TNFAIP8L3: variants seen among roughly 807,000 people sequenced by gnomAD.
TNFAIP8L3 encodes tumor necrosis factor alpha-induced protein 8-like protein 3.
In TNFAIP8L3, 7 loss-of-function variants were observed where a neutral mutation model predicts 11.8. That is an observed-to-expected ratio of 0.59 (90% CI 0.34 to 1.11). The LOEUF (loss-of-function observed/expected upper bound fraction) is 1.11. TNFAIP8L3 is among the 50% of genes most tolerant of loss of function. TNFAIP8L3 has a pLI of 0.03. For synonymous variants in TNFAIP8L3, 98 were observed against 103.8 expected (o/e 0.94, Z 0.34); for missense variants, 219 against 258.6 (o/e 0.85, Z 1.05).
chr15:51,075,471 C>T (rs1047924330), intron 1 of TNFAIP8L3, among the ~76,000 whole-genome samples: 5 of 152,172 alleles, frequency 3.3e-5, no homozygotes, highest in African/African-American at 7.2e-5. Context: ...CAGGAGCTGT[C>T]GGGCTTGGAA....
At chr15:51,080,528 A>T (rs956120145) in intron 1 of TNFAIP8L3, among the ~76,000 whole-genome samples, 5 of 150,560 alleles carry the variant, frequency 3.3e-5, no homozygotes, top group African/African-American at 1.2e-4. Flanking sequence ...TTCACTCTTT[A>T]CCCCTTCTCT....
chr15:51,099,645 C>T (rs1333352118), upstream of TNFAIP8L3, among the ~76,000 whole-genome samples: 1 of 152,168 alleles, frequency 6.6e-6, no homozygotes, highest in East Asian at 1.9e-4. Flanking sequence ...GGATGTGACT[C>T]CACTGCTGCA....
At chr15:51,079,855 C>CAA (rs10602536) in intron 1 of TNFAIP8L3, among the ~76,000 whole-genome samples, 158 of 77,182 alleles carry the variant, frequency 2.0e-3, no homozygotes, top group African/African-American at 2.6e-3. Context: ...GACTTTGTCT[C>CAA]AAAAAAAAAA....
At chr15:51,061,133 C>CA (rs1245594178) in intron 1 of TNFAIP8L3, among the ~76,000 whole-genome samples, 6 of 152,024 alleles carry the variant, frequency 3.9e-5, no homozygotes, top group Admixed American at 2.0e-4. Context: ...AAGACTGTCT[C>CA]AAAAAAATAA....
chr15:51,086,572 AG>A (rs776376544), intron 1 of TNFAIP8L3, among the ~76,000 whole-genome samples: 3 of 152,178 alleles, frequency 2.0e-5, no homozygotes, highest in Non-Finnish European at 4.4e-5. Context: ...GTGCAAGAGA[AG>A]AGTCTCTGGA....
intron 1 of TNFAIP8L3, among the ~76,000 whole-genome samples, chr15:51,072,433 G>A (rs1180884554): frequency 2.0e-5 from 3 of 152,110 alleles, no homozygotes; most frequent in African/African-American, 4.8e-5. Flanking sequence ...AAGCCACCGC[G>A]CCTGGCCAGA....
chr15:51,096,854 G>A (rs2140984676), upstream of TNFAIP8L3, among the ~76,000 whole-genome samples: 1 of 139,436 alleles, frequency 7.2e-6, no homozygotes, highest in East Asian at 2.1e-4. Context: ...TCGTGCCATT[G>A]CACTCCAGCC....
At chr15:51,088,794 G>A (rs959524156) in intron 1 of TNFAIP8L3, among the ~76,000 whole-genome samples, 2 of 152,214 alleles carry the variant, frequency 1.3e-5, no homozygotes, top group African/African-American at 4.8e-5. Flanking sequence ...CCACTGCCAT[G>A]TGCTGCACGG....
rs548235227 is a variant in TNFAIP8L3 at position 51,078,122 on chromosome 15, C to A, written c.52+16422G>T. Among the ~76,000 whole-genome samples the A allele has an allele frequency of 2.7e-4, 41 of 152,166 alleles. No homozygotes were observed. The South Asian group carries it at 7.7e-3, about 29-fold the overall frequency. ...AGTGATTGGGCAGCCCCGGAAGAGG[C>A]CTGAGGAGGGAATGGCCACGGCAGG... is the stretch of plus-strand genomic sequence containing the variant. On this transcript the variant is annotated intron_variant, in intron 1 of 1. Transcript: ENST00000637513.
chr15:51,095,336 C>T (rs1443101201), upstream of TNFAIP8L3, among the ~76,000 whole-genome samples: 1 of 152,150 alleles, frequency 6.6e-6, no homozygotes, highest in East Asian at 1.9e-4. Context: ...TAAGACAAGG[C>T]GTGTGCGGGA....
At chr15:51,085,525 G>C (rs1413647536) in intron 1 of TNFAIP8L3, among the ~76,000 whole-genome samples, 1 of 152,180 alleles carries the variant, frequency 6.6e-6, no homozygotes, top group Admixed American at 6.5e-5. Context: ...GGAAATGCAG[G>C]TGATGGGAGG....
intron 1 of TNFAIP8L3, among the ~76,000 whole-genome samples, chr15:51,100,218 G>A (rs2065540844): frequency 6.6e-6 from 1 of 152,210 alleles, no homozygotes; most frequent in African/African-American, 2.4e-5. Context: ...CATATGTTGT[G>A]ATTTAAGTTT....
At chr15:51,099,213 G>A (rs1349475385), upstream of TNFAIP8L3, among the ~76,000 whole-genome samples, 1 of 152,180 alleles carries the variant, frequency 6.6e-6, no homozygotes, top group Non-Finnish European at 1.5e-5. Context: ...AGAATGCAAA[G>A]TTTCCTTCCA....
At chr15:51,071,984 A>T (rs966127587) in intron 1 of TNFAIP8L3, among the ~76,000 whole-genome samples, 4 of 152,176 alleles carry the variant, frequency 2.6e-5, no homozygotes, top group African/African-American at 9.7e-5. Context: ...GCTTGTTCAT[A>T]TAATTTACTC....
chr15:51,101,381 G>A (rs989124875), intron 1 of TNFAIP8L3, among the ~76,000 whole-genome samples: 2 of 152,118 alleles, frequency 1.3e-5, no homozygotes, highest in East Asian at 1.9e-4. Flanking sequence ...CAGCAGTTTC[G>A]GAGGCCAAGA....
chr15:51,083,259 T>C (rs532933161), intron 1 of TNFAIP8L3, among the ~76,000 whole-genome samples: 2 of 152,310 alleles, frequency 1.3e-5, no homozygotes, highest in South Asian at 4.1e-4. Flanking sequence ...TTATATTTAA[T>C]ATCACACCAC....
Position 51,057,316 on chromosome 15 carries a change from C to T in TNFAIP8L3, c.*565G>A, listed in dbSNP as rs1423899336. On this transcript the variant is annotated 3_prime_UTR_variant, in exon 2 of 2. Coordinates refer to ENST00000637513, the MANE Select transcript of TNFAIP8L3 (RefSeq NM_001311175.2). ...GTGCATTTAGAGAGAGATTGCAAAC[C>T]CAGTCCATTAGATTCTATTGTTCTT... is the stretch of plus-strand genomic sequence containing the variant. The T allele has an allele frequency of 2.0e-5, 3 of 152,256 alleles. No individual in the cohort carries two copies. The highest frequency in any genetic ancestry group is 7.2e-5 in the African/African-American group (3 of 41,454). The allele number at this position is 152,256 out of a possible 1,614,324, so 9.4% of individuals were successfully genotyped here. A position where few individuals can be genotyped will look rare whatever the true frequency, so the allele number is the denominator to read the frequency against.
intron 1 of TNFAIP8L3, among the ~76,000 whole-genome samples, chr15:51,079,829 C>T (rs1418807073): frequency 6.0e-5 from 8 of 133,426 alleles, no homozygotes; most frequent in Admixed American, 5.2e-4. Flanking sequence ...GCACTCCAGC[C>T]TGGGTGACAG....
exon 1 of TNFAIP8L3, chr15:51,105,271 G>A: frequency 7.5e-7 from 1 of 1,340,618 alleles, no homozygotes; most frequent in Non-Finnish European, 1.0e-6. Flanking sequence ...GGTAAGACTA[G>A]CAAGTCAGTT....
Sources: allele counts gnomAD v4.1 joint callset (sites outside exome capture counted in the v4.1 genomes callset), GRCh38; gene constraint gnomAD v4.1.1; transcripts MANE v1.5; gene names NCBI Gene and HGNC (gene_info 2026-07-23, HGNC 2026-07-21).